Variants in LINGO2 observed in about 807,000 individuals in gnomAD.
The protein encoded by LINGO2 is leucine rich repeat and Ig domain containing 2, also known as leucine-rich repeat and immunoglobulin-like domain-containing nogo receptor-interacting protein 2.
LINGO2 carries 14 observed loss-of-function variants against 30.6 expected under a neutral mutation model. The observed-to-expected ratio is 0.46, with a 90% CI of 0.30 to 0.72. The LOEUF (loss-of-function observed/expected upper bound fraction) is 0.72, where lower values mean the gene tolerates loss of function less well. Among genes scored for constraint, LINGO2 ranks in the 30% least tolerant of loss-of-function variants. LINGO2 has a pLI of 0.07. For synonymous variants in LINGO2, 317 were observed against 288.5 expected, an observed-to-expected ratio of 1.10 and a Z score of -1.00; for missense variants, 729 against 751.7, an observed-to-expected ratio of 0.97 and a Z score of 0.35.
At chr9:28,356,663 T>C (rs1820221063) in intron 3 of LINGO2, among the ~76,000 whole-genome samples, 1 of 152,174 alleles carries the variant, frequency 6.6e-6, no homozygotes, top group South Asian at 2.1e-4. Context: ...TTCTACCACC[T>C]GAATTATCCC....
chr9:28,962,595 T>G, the LINGO2 span, among the ~76,000 whole-genome samples: 1 of 151,836 alleles, frequency 6.6e-6, no homozygotes, highest in African/African-American at 2.4e-5. Context: ...TTTAAAATAT[T>G]TTACTGTAAA....
the LINGO2 span, among the ~76,000 whole-genome samples, chr9:28,857,783 C>G: frequency 6.6e-6 from 1 of 151,616 alleles, no homozygotes; most frequent in Non-Finnish European, 1.5e-5. Flanking sequence ...ATTTTTTACA[C>G]TGATTAAATG....
In LINGO2 at chr9:28,469,061, A is replaced by G. The variant is rs1825420524; in HGVS notation, c.-279+6879T>C. ...GAAGAATGTGGAGAAAATTCAAGGA[A>G]GTAGAGAAACAATATATGAACATAA... is the stretch of plus-strand genomic sequence containing the variant. On this transcript the variant is annotated intron_variant, in intron 2 of 5. Transcript: ENST00000379992. 2.0e-5 allele frequency among the ~76,000 whole-genome samples: 3 copies of G among 152,188 alleles called. No homozygotes were observed. In the South Asian group the frequency reaches 6.2e-4, roughly 31 times the overall value.
At chr9:28,590,612 C>T (rs1824837156) in intron 1 of LINGO2, among the ~76,000 whole-genome samples, 1 of 152,014 alleles carries the variant, frequency 6.6e-6, no homozygotes, top group African/African-American at 2.4e-5. Flanking sequence ...AATGAGATAC[C>T]ATCTCACACC....
At chr9:27,941,854 T>A in the LINGO2 span, 1 of 152,046 alleles carries the variant, frequency 6.6e-6, no homozygotes. Context: ...TCTCTTTTTA[T>A]TTTTTTTGTG....
intron 1 of LINGO2, among the ~76,000 whole-genome samples, chr9:28,519,780 T>C (rs544304679): frequency 1.3e-5 from 2 of 152,318 alleles, no homozygotes; most frequent in East Asian, 1.9e-4. Context: ...AAAGAGTTTA[T>C]AATTTCGATG....
At chr9:28,750,534 A>T in the LINGO2 span, among the ~76,000 whole-genome samples, 147 of 152,236 alleles carry the variant, frequency 9.7e-4, no homozygotes, top group Admixed American at 2.2e-3. Flanking sequence ...AAATCTTCAG[A>T]ACTGCTTTAC....
chr9:28,581,121 C>T (rs773159156), intron 1 of LINGO2, among the ~76,000 whole-genome samples: 3 of 151,950 alleles, frequency 2.0e-5, no homozygotes, highest in South Asian at 4.1e-4. Context: ...AGGCTGTTGA[C>T]ATTTTCTGGT....
chr9:28,643,633 C>T (rs1163197509), intron 1 of LINGO2, among the ~76,000 whole-genome samples: 1 of 151,906 alleles, frequency 6.6e-6, no homozygotes, highest in Non-Finnish European at 1.5e-5. Flanking sequence ...GCAAACATTT[C>T]TTCAGGAATA....
the LINGO2 span, among the ~76,000 whole-genome samples, chr9:28,865,243 G>T: frequency 2.0e-5 from 3 of 152,138 alleles, no homozygotes; most frequent in Admixed American, 2.0e-4. Context: ...AGCATCACCA[G>T]ATCAGAGGCA....
the LINGO2 span, among the ~76,000 whole-genome samples, chr9:28,852,028 C>T: frequency 6.6e-6 from 1 of 151,782 alleles, no homozygotes; most frequent in African/African-American, 2.4e-5. Context: ...CTAAATCTGA[C>T]TTCCAGTTGC....
chr9:28,141,975 G>A (rs915655983), intron 4 of LINGO2, among the ~76,000 whole-genome samples: 1 of 152,068 alleles, frequency 6.6e-6, no homozygotes, highest in Non-Finnish European at 1.5e-5. Flanking sequence ...AAAACATAAC[G>A]GGAAAAATGC....
chr9:28,873,966 CATAA>C, the LINGO2 span, among the ~76,000 whole-genome samples: 1 of 151,668 alleles, frequency 6.6e-6, no homozygotes. Context: ...TTTAGGAATC[CATAA>C]ATAAATAACA....
chr9:29,040,223 A>G, the LINGO2 span, among the ~76,000 whole-genome samples: 1 of 152,082 alleles, frequency 6.6e-6, no homozygotes, highest in African/African-American at 2.4e-5. Flanking sequence ...GAATTTGAGT[A>G]GTCACTAAAA....
At chr9:28,862,550 G>A in the LINGO2 span, among the ~76,000 whole-genome samples, 97 of 152,124 alleles carry the variant, frequency 6.4e-4, no homozygotes, top group African/African-American at 2.2e-3. Context: ...ACCTTATAGA[G>A]CATATGCATA....
At chr9:28,434,657 T>C (rs948186465) in intron 2 of LINGO2, among the ~76,000 whole-genome samples, 1 of 152,156 alleles carries the variant, frequency 6.6e-6, no homozygotes, top group African/African-American at 2.4e-5. Flanking sequence ...TATTCTCTTA[T>C]GCTCTCAAGG....
At chr9:28,460,665 A>T (rs1231632513) in intron 2 of LINGO2, among the ~76,000 whole-genome samples, 1 of 152,176 alleles carries the variant, frequency 6.6e-6, no homozygotes, top group East Asian at 1.9e-4. Context: ...AAGATGCTAT[A>T]TAAAATATAA....
chr9:28,843,515 G>C, the LINGO2 span, among the ~76,000 whole-genome samples: 1 of 151,664 alleles, frequency 6.6e-6, no homozygotes, highest in African/African-American at 2.4e-5. Flanking sequence ...GGAAGAGAAG[G>C]AGTGGCAAAG....
intron 1 of LINGO2, among the ~76,000 whole-genome samples, chr9:28,640,564 A>G (rs1043685644): frequency 9.3e-5 from 12 of 129,616 alleles, no homozygotes; most frequent in Non-Finnish European, 1.5e-4. Context: ...TTCTCACTTT[A>G]TTTCATTCAT....
Sources: gnomAD v4.1 joint callset for allele counts (sites outside exome capture counted in the v4.1 genomes callset) on GRCh38, gnomAD v4.1.1 for gene constraint, MANE v1.5 for transcripts, NCBI Gene and HGNC (gene_info 2026-07-23, HGNC 2026-07-21) for gene names.